MGAT5: variants seen among roughly 807,000 people sequenced by gnomAD.
MGAT5 encodes the protein alpha-1,6-mannosylglycoprotein 6-beta-N-acetylglucosaminyltransferase.
Under a neutral mutation model 94.3 loss-of-function variants are expected in MGAT5, and 30 were observed. That is an observed-to-expected ratio of 0.32 (90% CI 0.24 to 0.43). The LOEUF is 0.43. Among genes scored for constraint, MGAT5 ranks in the 20% least tolerant of loss-of-function variants. MGAT5 has a pLI of 1.00. For missense variants in MGAT5, 691 were observed against 905.5 expected, an observed-to-expected ratio of 0.76 and a Z score of 3.04; for synonymous variants, 310 against 322.9, an observed-to-expected ratio of 0.96 and a Z score of 0.43.
At chr2:134,288,198 T>C (rs2105758962) in intron 2 of MGAT5, among the ~76,000 whole-genome samples, 1 of 152,360 alleles carries the variant, frequency 6.6e-6, no homozygotes, top group Admixed American at 6.5e-5. Flanking sequence ...TGAAACACTT[T>C]ATCAGGCACA....
chr2:134,434,926 A>G (rs749106003), intron 14 of MGAT5, among the ~76,000 whole-genome samples: 1 of 151,936 alleles, frequency 6.6e-6, no homozygotes, highest in Non-Finnish European at 1.5e-5. Flanking sequence ...CCAGTGGGAG[A>G]CTTTAATAGT....
intron 12 of MGAT5, among the ~76,000 whole-genome samples, chr2:134,418,743 A>T (rs1305836004): frequency 6.6e-6 from 1 of 152,224 alleles, no homozygotes; most frequent in African/African-American, 2.4e-5. Flanking sequence ...AAGGAAAAGG[A>T]GGCGAGCGGG....
At chr2:134,431,591 C>T (rs1157867187) in intron 14 of MGAT5, among the ~76,000 whole-genome samples, 1 of 152,166 alleles carries the variant, frequency 6.6e-6, no homozygotes, top group African/African-American at 2.4e-5. Context: ...AGGAGGTGTT[C>T]CTGGTATGAA....
chr2:134,338,198 A>T, intron 5 of MGAT5, 61 bp from the exon 6 acceptor site: 1 of 1,394,482 alleles, frequency 7.2e-7, no homozygotes, highest in South Asian at 1.4e-5. Context: ...TCACATCATG[A>T]AAACTATTAT....
At chr2:134,316,884 G>A (rs1325748869) in intron 2 of MGAT5, among the ~76,000 whole-genome samples, 1 of 152,142 alleles carries the variant, frequency 6.6e-6, no homozygotes, top group Admixed American at 6.6e-5. Flanking sequence ...CAAGGAATAG[G>A]AACCCATTCA....
chr2:134,413,235 C>A (rs1217693293), intron 12 of MGAT5, among the ~76,000 whole-genome samples: 1 of 152,162 alleles, frequency 6.6e-6, no homozygotes, highest in Non-Finnish European at 1.5e-5. Context: ...ACACTCTACC[C>A]CCACTCTAGC....
intron 1 of MGAT5, among the ~76,000 whole-genome samples, chr2:134,196,058 T>A (rs1393228085): frequency 6.6e-6 from 1 of 152,220 alleles, no homozygotes; most frequent in African/African-American, 2.4e-5. Flanking sequence ...CCCAACATAT[T>A]ATTCAAGGTG....
rs374914892 is a variant in MGAT5, at chr2:134,237,148, T to TGTGTGTGTGTGC, written c.-142-17113_-142-17112insTGTGTGTGTGCG. Among the ~76,000 whole-genome samples the TGTGTGTGTGTGC allele has an allele frequency of 1.7e-3, 244 of 140,828 alleles. 1 individual carries two copies. The highest frequency in any genetic ancestry group is 2.0e-3 in the African/African-American group (76 of 38,148). 92.4% of individuals were successfully genotyped at this position (140,828 alleles called of 152,430 possible). On this transcript the variant is annotated intron_variant, in intron 1 of 16. Coordinates refer to the MGAT5 transcript ENST00000409645. The stretch of plus-strand genomic sequence containing the variant: ...ATGTGTGTGTGTGTGTGTGTGTGTG[T>TGTGTGTGTGTGC]GCGCGTGTGTGTGAATTTTTACCCT...
chr2:134,303,752 G>A (rs1686169254), intron 2 of MGAT5, among the ~76,000 whole-genome samples: 1 of 152,092 alleles, frequency 6.6e-6, no homozygotes, highest in African/African-American at 2.4e-5. Context: ...AGACTTTGGG[G>A]TTCTCCTCTT....
chr2:134,380,038 G>A (rs193124373), intron 10 of MGAT5, among the ~76,000 whole-genome samples: 8 of 152,318 alleles, frequency 5.3e-5, no homozygotes, highest in East Asian at 3.9e-4. Flanking sequence ...GTGAGATGAC[G>A]CATGTCAAAA....
rs1188321490 is a variant in MGAT5, at chr2:134,377,087, A to T, written c.1380+14679A>T. Among the ~76,000 whole-genome samples the T allele has an allele frequency of 3.3e-5, 5 of 152,370 alleles. No homozygotes were observed. In the East Asian group the frequency reaches 9.6e-4, roughly 29 times the overall value. On this transcript the variant is annotated intron_variant, in intron 10 of 15. Coordinates refer to ENST00000281923, the MANE Select transcript of MGAT5 (RefSeq NM_002410.5). ...CTTTGCAAACTGTCACAAGCTAGTC[A>T]GCTATGTCTGGGAACCTGTTTGGAT...
At chr2:134,189,376 A>C (rs1257171) in intron 1 of MGAT5, among the ~76,000 whole-genome samples, 147,763 of 152,146 alleles carry the variant, frequency 0.97, 71,788 homozygotes, top group East Asian at 1. Flanking sequence ...ATTTTGAACC[A>C]TCCCTCTTCC....
At chr2:134,441,056 T>A (rs1040624776) in intron 14 of MGAT5, among the ~76,000 whole-genome samples, 2 of 152,170 alleles carry the variant, frequency 1.3e-5, no homozygotes, top group Non-Finnish European at 2.9e-5. Context: ...TGTTGTAAAA[T>A]TGGTTTCTTT....
intron 2 of MGAT5, among the ~76,000 whole-genome samples, chr2:134,298,301 T>C (rs1295697725): frequency 2.6e-5 from 4 of 152,112 alleles, no homozygotes; most frequent in Non-Finnish European, 5.9e-5. Context: ...TTTCACCATG[T>C]TGGCCAGGCT....
chr2:134,215,238 A>G (rs1255391698), intron 1 of MGAT5, among the ~76,000 whole-genome samples: 1 of 152,256 alleles, frequency 6.6e-6, no homozygotes. Flanking sequence ...ACATTCTAGT[A>G]TATGATATAC....
At chr2:134,342,007 G>A (rs79133498) in intron 7 of MGAT5, among the ~76,000 whole-genome samples, 1,795 of 152,208 alleles carry the variant, frequency 0.012, 38 homozygotes, top group African/African-American at 0.032. Flanking sequence ...AAACTAAGGA[G>A]CTTATTCTTT....
intron 4 of MGAT5, among the ~76,000 whole-genome samples, chr2:134,319,264 T>C (rs1207398916): frequency 1.3e-5 from 2 of 152,206 alleles, no homozygotes; most frequent in Non-Finnish European, 2.9e-5. Context: ...AGCTGCCCCA[T>C]TTTATACCAA....
intron 1 of MGAT5, among the ~76,000 whole-genome samples, chr2:134,197,482 G>A (rs1416128788): frequency 6.6e-6 from 1 of 152,202 alleles, no homozygotes; most frequent in Non-Finnish European, 1.5e-5. Context: ...ATTGGGATTT[G>A]AGATTAAAGA....
chr2:134,242,660 A>AT (rs1682033053), intron 1 of MGAT5, among the ~76,000 whole-genome samples: 1 of 152,224 alleles, frequency 6.6e-6, no homozygotes, highest in Non-Finnish European at 1.5e-5. Context: ...AAGATTCTGC[A>AT]TTTTTAACAA....
Sources: gnomAD v4.1 joint callset for allele counts (sites outside exome capture counted in the v4.1 genomes callset) on GRCh38, gnomAD v4.1.1 for gene constraint, MANE v1.5 for transcripts, NCBI Gene and HGNC (gene_info 2026-07-23, HGNC 2026-07-21) for gene names.